Variants in LRR1 observed in about 807,000 individuals in gnomAD.
LRR1 encodes leucine-rich repeat protein 1.
LRR1 carries 29 observed loss-of-function variants against 31.6 expected under a neutral mutation model. That is an observed-to-expected ratio of 0.92 (90% CI 0.68 to 1.25). The LOEUF is 1.25. Among genes scored for constraint, LRR1 ranks in the 50% most tolerant of loss-of-function variants. LRR1 has a pLI of 0.00. For missense variants in LRR1, 485 were observed against 487.2 expected, an observed-to-expected ratio of 1.00 and a Z score of 0.04; for synonymous variants, 179 against 181.4, an observed-to-expected ratio of 0.99 and a Z score of 0.10.
At chr14:49,612,603 C>A in intron 3 of LRR1, 1 of 1,128,742 alleles carries the variant, frequency 8.9e-7, no homozygotes, top group Non-Finnish European at 1.1e-6. Context: ...CAAATAGGGC[C>A]ATCCTAGATC....
intron 3 of LRR1, among the ~76,000 whole-genome samples, chr14:49,609,166 C>A (rs1328205370): frequency 6.8e-6 from 1 of 146,198 alleles, no homozygotes; most frequent in Non-Finnish European, 1.5e-5. Flanking sequence ...ATCCGCCCGT[C>A]TTGGCCTCCC....
intron 1 of LRR1, among the ~76,000 whole-genome samples, chr14:49,601,826 A>AC (rs1323453853): frequency 6.6e-6 from 1 of 151,776 alleles, no homozygotes; most frequent in Non-Finnish European, 1.5e-5. Flanking sequence ...TAAAAAAAAA[A>AC]AAAAAAAAAA....
In LRR1 at chr14:49,614,406, A is replaced by G. The variant is rs190647437; in HGVS notation, c.1155A>G (p.Leu385=). The G allele has an allele frequency of 4.5e-5, 72 of 1,613,942 alleles. No homozygotes were observed. In the African/African-American group the frequency reaches 8.5e-4, roughly 19 times the overall value. ...ATTCTGTTGCCCACACTGTGGTCTT[A>G]GTAGATAATTTGGGTGGTACTGAAG... ...NLHSVAHTVV[L]VDNLGGTEAP... is the part of the protein sequence containing the mutation. Residue 385 remains leucine, a synonymous_variant, in exon 4 of 4, where the codon TTA becomes TTG. Coordinates refer to ENST00000298288, the MANE Select transcript of LRR1 (RefSeq NM_152329.4).
chr14:49,600,738 T>C (rs935546360), intron 1 of LRR1: 1 of 917,224 alleles, frequency 1.1e-6, no homozygotes. Context: ...ACAAAACCTG[T>C]CCTCAGAATT....
In LRR1 at chr14:49,599,865, G is replaced by A. The variant is rs1395053668; in HGVS notation, c.183+662G>A. The stretch of plus-strand genomic sequence containing the variant: ...GCGAGGGGAGTCGCTGCTTGGGGCC[G>A]GGGGGGCGGCCCCGCGGCGTGGAGC... On this transcript the variant is annotated intron_variant, in intron 1 of 3. Transcript: ENST00000298288. 2 of 455,122 alleles carry A rather than the reference G, an allele frequency of 4.4e-6. 1 individual carries two copies. Among genetic ancestry groups the A allele is most frequent in the East Asian group, 1.1e-4 (2 of 17,558 alleles). The allele number at this position is 455,122 out of a possible 1,614,324, so 28.2% of individuals were successfully genotyped here.
At chr14:49,602,140 CTTTTTTTTTT>C (rs71115383) in intron 1 of LRR1, among the ~76,000 whole-genome samples, 1 of 60,294 alleles carries the variant, frequency 1.7e-5, no homozygotes, top group South Asian at 6.3e-4. Flanking sequence ...AAAAAAACAA[CTTTTTTTTTT>C]TTTTTTTTTT....
intron 3 of LRR1, among the ~76,000 whole-genome samples, chr14:49,609,943 G>C (rs1284225123): frequency 2.0e-5 from 3 of 151,956 alleles, no homozygotes; most frequent in African/African-American, 4.8e-5. Context: ...CCTGACCTCA[G>C]GTGATCTGCC....
intron 1 of LRR1, among the ~76,000 whole-genome samples, chr14:49,599,762 C>CAACCGG (rs1881968090): frequency 6.8e-6 from 1 of 147,228 alleles, no homozygotes; most frequent in African/African-American, 2.4e-5. Context: ...GCGGGCGCGG[C>CAACCGG]GACCGGGGCC....
chr14:49,602,639 C>T (rs1594584654), intron 2 of LRR1, among the ~76,000 whole-genome samples, 171 bp downstream of exon 2: 1 of 151,908 alleles, frequency 6.6e-6, no homozygotes, highest in South Asian at 2.1e-4. Flanking sequence ...TAAAGGTGTA[C>T]CTCACCACTC....
chr14:49,612,291 G>A lies in LRR1; in HGVS notation c.1005-1965G>A, dbSNP rs189313001. On this transcript the variant is annotated intron_variant, in intron 3 of 3. Coordinates refer to ENST00000298288, the MANE Select transcript of LRR1 (RefSeq NM_152329.4). ...AATGTTGCGTGTTTTAAGCTCCCTT[G>A]TTTTAAAAAGTATATAGATTTAAAG... 5.2e-3 allele frequency among the ~76,000 whole-genome samples: 797 copies of A among 152,198 alleles called. 2 individuals carry two copies. Among genetic ancestry groups the A allele is most frequent in the South Asian group, 0.012 (56 of 4,828 alleles).
chr14:49,611,598 T>C (rs1488243606), intron 3 of LRR1, among the ~76,000 whole-genome samples: 1 of 151,958 alleles, frequency 6.6e-6, no homozygotes, highest in African/African-American at 2.4e-5. Flanking sequence ...CTGAGGCTAT[T>C]GTTTCTCTAA....
chr14:49,601,790 G>C (rs1882063316), intron 1 of LRR1: 10 of 347,340 alleles, frequency 2.9e-5, no homozygotes, highest in South Asian at 2.3e-4. Context: ...CCACCAGCTA[G>C]ATGAGGAGTA....
intron 2 of LRR1, among the ~76,000 whole-genome samples, chr14:49,605,539 A>G (rs1387550187): frequency 6.6e-6 from 1 of 152,030 alleles, no homozygotes; most frequent in Non-Finnish European, 1.5e-5. Context: ...ATTTCTCATT[A>G]TTTTTGCACT....
intron 1 of LRR1, chr14:49,601,601 C>T (rs1212264179): frequency 7.8e-7 from 1 of 1,288,626 alleles, no homozygotes; most frequent in Admixed American, 2.3e-5. Flanking sequence ...TTGTATATAA[C>T]CTACTGGGAG....
chr14:49,602,387 G>C lies in LRR1; in HGVS notation c.201G>C (p.Glu67Asp), dbSNP rs1312484382. 6.2e-7 allele frequency: 1 copy of C among 1,613,380 alleles called. No homozygotes were observed. Among genetic ancestry groups the C allele is most frequent in the African/African-American group, 1.3e-5 (1 of 74,814 alleles). The change falls in exon 2 of 4, where the codon GAG becomes GAC. Residue 67 changes from glutamate (E) to aspartate (D), a missense_variant. This residue lies in a region of LRR1 where 260 missense variants were observed against 249.6 expected (regional missense o/e 1.04). Transcript: ENST00000298288. ...GTRYELRENIEQFFTKFVDEG... is the reference protein window; with the variant it reads ...GTRYELRENIDQFFTKFVDEG... ...TTATGCAGCTAAGGGAGAACATTGA[G>C]CAATTCTTCACCAAATTTGTAGATG... is the stretch of plus-strand genomic sequence containing the variant.
At chr14:49,610,604 C>T (rs1020484113) in intron 3 of LRR1, among the ~76,000 whole-genome samples, 3 of 150,756 alleles carry the variant, frequency 2.0e-5, no homozygotes, top group African/African-American at 7.3e-5. Context: ...TCACTCTTGC[C>T]CGGGCTGGAG....
intron 3 of LRR1, chr14:49,612,580 A>G: frequency 8.5e-7 from 1 of 1,171,936 alleles, no homozygotes; most frequent in Non-Finnish European, 1.1e-6. Flanking sequence ...TTTTATGAAA[A>G]ATTTAAAAAT....
Position 49,614,594 on chromosome 14 carries a change from A to G in LRR1, c.*98A>G. On this transcript the variant is annotated 3_prime_UTR_variant, in exon 4 of 4. Coordinates refer to ENST00000298288, the MANE Select transcript of LRR1 (RefSeq NM_152329.4). ...TTGGAGTAAGGGAAGATTTCTGTATACTTGCTGGAGAGGAGGAATGTGTAT... is the reference window on the plus strand; with the variant it reads ...TTGGAGTAAGGGAAGATTTCTGTATGCTTGCTGGAGAGGAGGAATGTGTAT... 6 of 1,498,894 alleles carry G rather than the reference A, an allele frequency of 4.0e-6. No homozygotes were observed. The highest frequency in any genetic ancestry group is 5.5e-6 in the Non-Finnish European group (6 of 1,084,384). The allele number at this position is 1,498,894 out of a possible 1,614,324, so 92.8% of individuals were successfully genotyped here.
At chr14:49,613,018 G>C (rs931009144) in intron 3 of LRR1, among the ~76,000 whole-genome samples, 1 of 152,030 alleles carries the variant, frequency 6.6e-6, no homozygotes, top group Admixed American at 6.6e-5. Flanking sequence ...TGGCCAACAT[G>C]GTTAACCCCC....
Sources: gnomAD v4.1 joint callset for allele counts (sites outside exome capture counted in the v4.1 genomes callset) on GRCh38, gnomAD v4.1.1 for gene constraint, gnomAD v4.1.1 regional missense constraint, MANE v1.5 for transcripts, NCBI Gene and HGNC (gene_info 2026-07-23, HGNC 2026-07-21) for gene names.